Variants in KLF12 observed in about 807,000 individuals in gnomAD.
The protein encoded by KLF12 is Krueppel-like factor 12.
A neutral mutation model predicts 37.8 loss-of-function variants in KLF12; 9 were observed. The ratio of observed to expected loss-of-function variants is 0.24; its 90% CI spans 0.14 to 0.42. The LOEUF (loss-of-function observed/expected upper bound fraction) is 0.42. Among genes scored for constraint, KLF12 ranks in the 10% least tolerant of loss-of-function variants. The pLI is 1.00. For synonymous variants in KLF12, 208 were observed against 202.1 expected (o/e 1.03, Z -0.25); for missense variants, 411 against 516.0 (o/e 0.80, Z 1.97).
intron 3 of KLF12, among the ~76,000 whole-genome samples, chr13:73,909,735 C>CA (rs1888482021): frequency 6.6e-6 from 1 of 152,102 alleles, no homozygotes; most frequent in African/African-American, 2.4e-5. Context: ...TGTTTAAAAA[C>CA]AAAATTTTTA....
At chr13:73,934,536 T>C (rs1370902419) in intron 3 of KLF12, among the ~76,000 whole-genome samples, 1 of 152,160 alleles carries the variant, frequency 6.6e-6, no homozygotes, top group Non-Finnish European at 1.5e-5. Context: ...TAGTATCCGT[T>C]TCTTTCTGCC....
At chr13:74,111,663 A>C (rs964718803) in intron 1 of KLF12, among the ~76,000 whole-genome samples, 1 of 152,174 alleles carries the variant, frequency 6.6e-6, no homozygotes, top group Non-Finnish European at 1.5e-5. Flanking sequence ...ATTTTTGTTT[A>C]AGTGTCTTTA....
chr13:73,989,888 C>CA (rs2086915697), intron 2 of KLF12, among the ~76,000 whole-genome samples: 1 of 151,216 alleles, frequency 6.6e-6, no homozygotes, highest in African/African-American at 2.4e-5. Flanking sequence ...TCATAGACTC[C>CA]AAAAAATTAA....
intron 1 of KLF12, among the ~76,000 whole-genome samples, chr13:74,123,939 T>G (rs1332158910): frequency 6.6e-6 from 1 of 152,222 alleles, no homozygotes; most frequent in Non-Finnish European, 1.5e-5. Flanking sequence ...ATGTGTTCAA[T>G]CCACCATACA....
rs1892636167 is a variant in KLF12, at chr13:74,014,426, T to C, written c.-31-19373A>G. On this transcript the variant is annotated intron_variant, in intron 1 of 7. Transcript: ENST00000377669. The stretch of plus-strand genomic sequence containing the variant: ...AATGGTAAAGTTATGCTGGCTGTAG[T>C]TTAGGGTACTAAGGCTGTTATTTAT... Among the ~76,000 whole-genome samples, 4 of 152,228 alleles carry C rather than the reference T, an allele frequency of 2.6e-5. No homozygotes were observed. The South Asian group carries it at 8.3e-4, about 31-fold the overall frequency.
chr13:73,688,965 A>G lies in KLF12; in HGVS notation c.*6525T>C, dbSNP rs1486366721. The G allele has an allele frequency of 6.6e-6, 1 of 152,094 alleles. No individual in the cohort carries two copies. The highest frequency in any genetic ancestry group is 1.5e-5 in the Non-Finnish European group (1 of 68,022). 9.4% of individuals were successfully genotyped at this position (152,094 alleles called of 1,614,324 possible). ...CATGAACAACTCAGCCACACTTCCC[A>G]TGTCTCCGTTTCCCATCCATAAAGT... On this transcript the variant is annotated 3_prime_UTR_variant, in exon 8 of 8. Transcript: ENST00000377669.
At chr13:73,783,008 T>C (rs1415420610) in intron 5 of KLF12, among the ~76,000 whole-genome samples, 1 of 152,180 alleles carries the variant, frequency 6.6e-6, no homozygotes, top group Non-Finnish European at 1.5e-5. Context: ...TACATATGTA[T>C]CATCCGGCTA....
intron 6 of KLF12, among the ~76,000 whole-genome samples, chr13:73,736,104 A>C (rs916735203): frequency 6.6e-6 from 1 of 152,086 alleles, no homozygotes; most frequent in Non-Finnish European, 1.5e-5. Context: ...ATCAAGATGA[A>C]TCTCCTAGTC....
At chr13:74,013,644 C>A (rs1338225745) in intron 1 of KLF12, among the ~76,000 whole-genome samples, 2 of 151,998 alleles carry the variant, frequency 1.3e-5, no homozygotes. Flanking sequence ...CTATAAGGAT[C>A]CTAGATTTCT....
At chr13:74,013,443 C>G (rs1892600836) in intron 1 of KLF12, among the ~76,000 whole-genome samples, 1 of 152,206 alleles carries the variant, frequency 6.6e-6, no homozygotes, top group Non-Finnish European at 1.5e-5. Flanking sequence ...GTTTGCCCTA[C>G]AGTTATATTC....
chr13:73,747,333 G>T (rs553654365), intron 6 of KLF12, among the ~76,000 whole-genome samples: 1 of 152,272 alleles, frequency 6.6e-6, no homozygotes, highest in Admixed American at 6.5e-5. Flanking sequence ...CTACGGAGAA[G>T]GCTGTTATCA....
chr13:74,229,273 T>C, the KLF12 span, among the ~76,000 whole-genome samples: 3 of 152,192 alleles, frequency 2.0e-5, no homozygotes, highest in East Asian at 5.8e-4. Context: ...TGAACCAAGA[T>C]AAAAATACAT....
At chr13:74,143,160 T>C in the KLF12 span, among the ~76,000 whole-genome samples, 1 of 151,522 alleles carries the variant, frequency 6.6e-6, no homozygotes, top group Non-Finnish European at 1.5e-5. Context: ...CTCCTTCCTC[T>C]TCTTCTTCTT....
chr13:74,029,497 C>T (rs1285080680), intron 1 of KLF12, among the ~76,000 whole-genome samples: 1 of 151,982 alleles, frequency 6.6e-6, no homozygotes, highest in Non-Finnish European at 1.5e-5. Flanking sequence ...CTTAACTACA[C>T]CAGGAATAAT....
At chr13:73,757,477 G>C (rs1350826159) in intron 6 of KLF12, among the ~76,000 whole-genome samples, 1 of 152,144 alleles carries the variant, frequency 6.6e-6, no homozygotes, top group Non-Finnish European at 1.5e-5. Context: ...GAAACTTTAT[G>C]AAGATCTGGT....
At chr13:74,179,822 G>A in the KLF12 span, among the ~76,000 whole-genome samples, 512 of 152,300 alleles carry the variant, frequency 3.4e-3, 12 homozygotes, top group East Asian at 0.069. Context: ...AAAGGAGATT[G>A]CAGATGTACA....
At chr13:74,125,657 C>T (rs530794907) in intron 1 of KLF12, among the ~76,000 whole-genome samples, 1 of 152,294 alleles carries the variant, frequency 6.6e-6, no homozygotes, top group South Asian at 2.1e-4. Context: ...TAGCAGTTTA[C>T]TTCTAAAATA....
the KLF12 span, among the ~76,000 whole-genome samples, chr13:74,158,178 C>T: frequency 2.0e-5 from 3 of 152,164 alleles, no homozygotes; most frequent in South Asian, 2.1e-4. Flanking sequence ...GTGGGTGGTC[C>T]GCATAGGTCC....
intron 5 of KLF12, among the ~76,000 whole-genome samples, chr13:73,803,078 T>G (rs539007426): frequency 6.6e-6 from 1 of 152,340 alleles, no homozygotes; most frequent in South Asian, 2.1e-4. Flanking sequence ...GTTTTTTGTT[T>G]GTTTGTTTTT....
Sources: gnomAD v4.1 joint callset for allele counts (sites outside exome capture counted in the v4.1 genomes callset) on GRCh38, gnomAD v4.1.1 for gene constraint, MANE v1.5 for transcripts, NCBI Gene and HGNC (gene_info 2026-07-23, HGNC 2026-07-21) for gene names.